EYS: variants seen among roughly 807,000 people sequenced by gnomAD.
The protein encoded by EYS is protein eyes shut homolog.
A neutral mutation model predicts 282.1 loss-of-function variants in EYS; 250 were observed. The observed-to-expected ratio is 0.89, with a 90% CI of 0.80 to 0.98. EYS has a LOEUF of 0.98. Ranked by LOEUF, EYS falls within the 50% of genes least tolerant of loss-of-function variation. The probability of loss-of-function intolerance (pLI) is 0.00; values close to 1 mark genes in which losing one functional copy is unlikely to be tolerated. For missense variants in EYS, 4,016 were observed against 3,709.0 expected, an observed-to-expected ratio of 1.08 and a Z score of -2.15; for synonymous variants, 1,355 against 1,282.9, an observed-to-expected ratio of 1.06 and a Z score of -1.20.
At chr6:65,662,286 A>G (rs1196914216) in intron 1 of EYS, among the ~76,000 whole-genome samples, 2 of 152,126 alleles carry the variant, frequency 1.3e-5, no homozygotes, top group African/African-American at 4.8e-5. Flanking sequence ...GTGAAGAGAG[A>G]AGGTCACTGT....
intron 14 of EYS, among the ~76,000 whole-genome samples, chr6:64,962,334 CTG>C (rs1023642133): frequency 1.1e-4 from 16 of 151,838 alleles, no homozygotes; most frequent in African/African-American, 3.6e-4. Context: ...TAAAAATAAA[CTG>C]TTTATCTAAT....
In EYS at chr6:63,984,722, G is replaced by A. The variant is rs925002518; in HGVS notation, c.6835-119C>T. 57 of 826,190 alleles carry A rather than the reference G, an allele frequency of 6.9e-5. 1 individual carries two copies. Among genetic ancestry groups the A allele is most frequent in the Middle Eastern group, 3.5e-4 (1 of 2,824 alleles). The allele number at this position is 826,190 out of a possible 1,614,324, so 51.2% of individuals were successfully genotyped here. ...TAATGTGTTTTTCTGTGTAAAAGAG[G>A]TTGCTATTGTTGGCTAGTTTTGTCA... On this transcript the variant is annotated intron_variant, in intron 34 of 42. Coordinates refer to ENST00000503581, the MANE Select transcript of EYS (RefSeq NM_001142800.2).
intron 35 of EYS, among the ~76,000 whole-genome samples, chr6:63,960,037 A>G (rs1463641614): frequency 1.3e-5 from 2 of 152,134 alleles, no homozygotes; most frequent in Non-Finnish European, 2.9e-5. Context: ...AAAAAAAAAA[A>G]AAGGAATTAC....
intron 26 of EYS, among the ~76,000 whole-genome samples, chr6:64,461,929 G>A (rs968853027): frequency 2.6e-5 from 4 of 151,904 alleles, no homozygotes; most frequent in Admixed American, 6.6e-5. Flanking sequence ...GAATAAAAAG[G>A]CTAAGTTGTT....
chr6:63,826,408 C>T (rs1180363368), intron 36 of EYS, among the ~76,000 whole-genome samples: 1 of 152,160 alleles, frequency 6.6e-6, no homozygotes, highest in Non-Finnish European at 1.5e-5. Flanking sequence ...AAATTCATTG[C>T]AAAAGGATCA....
At chr6:63,857,486 C>T (rs1484113110) in intron 36 of EYS, 16 of 217,730 alleles carry the variant, frequency 7.3e-5, no homozygotes, top group South Asian at 2.1e-4. Flanking sequence ...CTGAAGTGCC[C>T]GGCTTACTCT....
chr6:64,310,074 A>AC (rs1240931390), intron 29 of EYS, among the ~76,000 whole-genome samples: 5 of 126,244 alleles, frequency 4.0e-5, no homozygotes, highest in African/African-American at 1.8e-4. Context: ...AAAAATAAAA[A>AC]AAAAAATAAC....
chr6:64,516,134 G>C (rs1490417431), intron 26 of EYS, among the ~76,000 whole-genome samples: 1 of 151,700 alleles, frequency 6.6e-6, no homozygotes, highest in Non-Finnish European at 1.5e-5. Flanking sequence ...GACACATAGA[G>C]GGGGAACAAC....
At chr6:64,354,793 A>G (rs998063550) in intron 29 of EYS, among the ~76,000 whole-genome samples, 2 of 151,554 alleles carry the variant, frequency 1.3e-5, no homozygotes, top group Non-Finnish European at 3.0e-5. Context: ...GATACAAATA[A>G]TACCATATAT....
At chr6:64,975,793 T>C (rs1275373075) in intron 14 of EYS, among the ~76,000 whole-genome samples, 1 of 151,864 alleles carries the variant, frequency 6.6e-6, no homozygotes, top group Non-Finnish European at 1.5e-5. Context: ...CATTTGGTAA[T>C]AATTATTTTG....
chr6:64,976,334 T>G (rs546004090), intron 14 of EYS, among the ~76,000 whole-genome samples: 44 of 151,996 alleles, frequency 2.9e-4, no homozygotes, highest in African/African-American at 1.0e-3. Flanking sequence ...GCCTATTTTA[T>G]AATTCAGAGT....
rs183589498 is a variant in EYS, at chr6:63,720,822, A to G, written c.9209T>C (p.Ile3070Thr). 177 of 1,551,248 alleles carry G rather than the reference A, an allele frequency of 1.1e-4. 1 individual carries two copies. The East Asian group carries it at 2.5e-3, about 22-fold the overall frequency. Residue 3070 changes from isoleucine (I) to threonine (T), a missense_variant, in exon 43 of 43, where the codon ATT becomes ACT. Transcript: ENST00000503581. ...INNSLILSED[I>T]DPHKNFVALN... is the part of the protein sequence containing the mutation. The stretch of plus-strand genomic sequence containing the variant: ...AGCCACAAAGTTTTTATGTGGATCA[A>G]TATCCTCGGAAAGAATTAGACTGTT...
At chr6:65,515,316 A>G (rs1276498822) in intron 2 of EYS, among the ~76,000 whole-genome samples, 1 of 152,074 alleles carries the variant, frequency 6.6e-6, no homozygotes, top group Admixed American at 6.5e-5. Flanking sequence ...GATGTGGAGA[A>G]ATAGGAACAC....
chr6:64,471,909 G>A (rs1446975257), intron 26 of EYS, among the ~76,000 whole-genome samples: 1 of 152,014 alleles, frequency 6.6e-6, no homozygotes, highest in Admixed American at 6.5e-5. Flanking sequence ...AGCACAGTAG[G>A]GTGACTGTAG....
chr6:64,045,888 T>A (rs1258490252), intron 33 of EYS, among the ~76,000 whole-genome samples: 2 of 141,166 alleles, frequency 1.4e-5, no homozygotes, highest in Non-Finnish European at 3.0e-5. Context: ...ATTTTATATA[T>A]GTAATATATA....
chr6:64,864,817 C>T (rs1766370714), intron 19 of EYS, among the ~76,000 whole-genome samples: 1 of 151,718 alleles, frequency 6.6e-6, no homozygotes, highest in South Asian at 2.1e-4. Context: ...AGTTGGATCA[C>T]CTGAGGTCAG....
intron 14 of EYS, among the ~76,000 whole-genome samples, chr6:64,978,416 G>A (rs72875936): frequency 0.068 from 10,297 of 151,908 alleles, 441 homozygotes; most frequent in East Asian, 0.13. Flanking sequence ...GAAAAGATTC[G>A]TTTCAAAATA....
intron 2 of EYS, among the ~76,000 whole-genome samples, chr6:65,548,952 G>A (rs1205328790): frequency 2.0e-5 from 3 of 152,122 alleles, no homozygotes; most frequent in Non-Finnish European, 4.4e-5. Flanking sequence ...AGATGGGAGG[G>A]GAGGGTGGTT....
intron 7 of EYS, among the ~76,000 whole-genome samples, chr6:65,400,953 G>A (rs1766471140): frequency 6.6e-6 from 1 of 152,036 alleles, no homozygotes; most frequent in African/African-American, 2.4e-5. Context: ...AGTTCTCAAA[G>A]TATGGTGTCT....
Sources: allele counts gnomAD v4.1 joint callset (sites outside exome capture counted in the v4.1 genomes callset), GRCh38; gene constraint gnomAD v4.1.1; transcripts MANE v1.5; gene names NCBI Gene and HGNC (gene_info 2026-07-23, HGNC 2026-07-21).